The following GNE variants were observed in gnomAD, a reference collection of about 807,000 sequenced individuals.
GNE encodes glucosamine (UDP-N-acetyl)-2-epimerase/N-acetylmannosamine kinase.
In GNE, 41 loss-of-function variants were observed where a neutral mutation model predicts 61.8. The observed-to-expected ratio is 0.66, with a 90% CI of 0.52 to 0.86. The LOEUF is 0.86. Among genes scored for constraint, GNE ranks in the 40% least tolerant of loss-of-function variants. The probability of loss-of-function intolerance (pLI) is 0.00; values close to 1 mark genes in which losing one functional copy is unlikely to be tolerated. For synonymous variants in GNE, 264 were observed against 326.4 expected, an observed-to-expected ratio of 0.81 and a Z score of 2.06; for missense variants, 608 against 909.1, an observed-to-expected ratio of 0.67 and a Z score of 4.26.
chr9:36,269,286 C>G (rs547395234), intron 1 of GNE, among the ~76,000 whole-genome samples: 2 of 151,942 alleles, frequency 1.3e-5, no homozygotes, highest in African/African-American at 4.8e-5. Context: ...CATGAACACT[C>G]TCTTATGATT....
At chr9:36,275,461 T>G (rs915588532) in intron 1 of GNE, among the ~76,000 whole-genome samples, 3 of 152,310 alleles carry the variant, frequency 2.0e-5, no homozygotes, top group Non-Finnish European at 4.4e-5. Flanking sequence ...AATTGAATTA[T>G]TAAGTGGCAG....
chr9:36,263,900 C>A (rs1356284420), intron 1 of GNE, among the ~76,000 whole-genome samples: 1 of 152,144 alleles, frequency 6.6e-6, no homozygotes, highest in Non-Finnish European at 1.5e-5. Flanking sequence ...AGCTAATGTG[C>A]ATGTTAAAGT....
intron 2 of GNE, among the ~76,000 whole-genome samples, chr9:36,247,139 C>T (rs1424596391): frequency 6.6e-6 from 1 of 151,114 alleles, no homozygotes; most frequent in Admixed American, 6.6e-5. Flanking sequence ...TCACTGCAAC[C>T]TCCACCTCCC....
Position 36,219,848 on chromosome 9 carries a change from C to G in GNE, c.1806G>C (p.Lys602Asn), listed in dbSNP as rs1248336263. 1 of 1,613,996 alleles carries G rather than the reference C, an allele frequency of 6.2e-7. No homozygotes were observed. Among genetic ancestry groups the G allele is most frequent in the Non-Finnish European group, 8.5e-7 (1 of 1,179,868 alleles). The stretch of plus-strand genomic sequence containing the variant: ...GAGAGGGACACCAACCATCATGGAG[C>G]TTTTTTGCCTCCCTCTGCAAGGCCA... ...SGMALQREAK[K>N]LHDEDLLLVE... The change falls in exon 10 of 12, where the codon AAG becomes AAC. Residue 602 changes from lysine to asparagine, a missense_variant. Physicochemically the swap from Lys to Asn is moderately conservative, Grantham distance 94 (BLOSUM62 0). Coordinates refer to ENST00000642385, the MANE Select transcript of GNE (RefSeq NM_005476.7).
chr9:36,271,775 C>T (rs1300607926), intron 1 of GNE, among the ~76,000 whole-genome samples: 4 of 151,954 alleles, frequency 2.6e-5, no homozygotes, highest in East Asian at 1.9e-4. Context: ...ATAAGGAACC[C>T]GAGAAAAATC....
At chr9:36,251,052 A>T (rs977706741) in intron 1 of GNE, among the ~76,000 whole-genome samples, 1 of 152,162 alleles carries the variant, frequency 6.6e-6, no homozygotes, top group South Asian at 2.1e-4. Flanking sequence ...TCTCTGTGCC[A>T]AAGTGCCAGC....
chr9:36,253,665 A>C (rs1161156113), intron 1 of GNE, among the ~76,000 whole-genome samples: 1 of 152,182 alleles, frequency 6.6e-6, no homozygotes, highest in Non-Finnish European at 1.5e-5. Context: ...CAAATCTAAA[A>C]GTGCAAAATT....
At position 36,218,528 on chromosome 9, in the gene GNE, G is replaced by A. The variant is rs1019752769; in HGVS notation, c.1817-229C>T. Among the ~76,000 whole-genome samples, 1 of 152,200 alleles carries A rather than the reference G, an allele frequency of 6.6e-6. No homozygotes were observed. Among genetic ancestry groups the A allele is most frequent in the African/African-American group, 2.4e-5 (1 of 41,448 alleles). ...ACCTATCTTCCTGGAAAAACCTCAA[G>A]TCTGACGACAGCCTCCTACCCCTCT... On this transcript the variant is annotated intron_variant, in intron 10 of 11. Transcript: ENST00000642385. This position sits in a 1 kb window ranked among gnomAD's most constrained non-coding sequence, Gnocchi z 4.1.
rs1587265379 is a variant in GNE at position 36,215,798 on chromosome 9, T to A, written c.*1567A>T. On this transcript the variant is annotated 3_prime_UTR_variant, in exon 12 of 12. Coordinates refer to ENST00000642385, the MANE Select transcript of GNE (RefSeq NM_005476.7). ...GACACCAATGAAAACACGAATCATG[T>A]AGACAGAATCCTGATTCATGGCTCT... 6.6e-6 allele frequency: 1 copy of A among 152,506 alleles called. No individual in the cohort carries two copies. Among genetic ancestry groups the A allele is most frequent in the African/African-American group, 2.4e-5 (1 of 41,458 alleles). The allele number at this position is 152,506 out of a possible 1,614,324, so 9.4% of individuals were successfully genotyped here. A position where few individuals can be genotyped will look rare whatever the true frequency, so the allele number is the denominator to read the frequency against.
chr9:36,270,114 A>T (rs1280492597), intron 1 of GNE, among the ~76,000 whole-genome samples: 1 of 151,992 alleles, frequency 6.6e-6, no homozygotes, highest in Admixed American at 6.6e-5. Context: ...AGCACATGCC[A>T]CCATGCCTAG....
chr9:36,260,173 T>G (rs1175424575), upstream of GNE, among the ~76,000 whole-genome samples: 1 of 151,522 alleles, frequency 6.6e-6, no homozygotes, highest in Non-Finnish European at 1.5e-5. Context: ...CCCAGCACTT[T>G]GGAAGGCAGA....
rs145259913 is a variant in GNE at position 36,238,071 on chromosome 9, TACAC to T, written c.617-1091_617-1088del. Among the ~76,000 whole-genome samples the T allele has an allele frequency of 8.6e-5, 13 of 151,544 alleles. No individual in the cohort carries two copies. In the South Asian group the frequency reaches 2.3e-3, roughly 27 times the overall value. ...ATATATAGATGTAGATATATATAGA[TACAC>T]ACACACACATAGATATATAGATGTA... On this transcript the variant is annotated intron_variant, in intron 3 of 11. Coordinates refer to ENST00000642385, the MANE Select transcript of GNE (RefSeq NM_005476.7).
chr9:36,243,960 T>G (rs1829757215), intron 3 of GNE, among the ~76,000 whole-genome samples: 1 of 8,374 alleles, frequency 1.2e-4, no homozygotes, highest in African/African-American at 1.0e-3. Flanking sequence ...TGTTTTTTGT[T>G]TTTTTTTGTT....
At chr9:36,251,238 C>T (rs970584809) in intron 1 of GNE, among the ~76,000 whole-genome samples, 1 of 152,122 alleles carries the variant, frequency 6.6e-6, no homozygotes, top group Admixed American at 6.6e-5. Context: ...TCAGGTCCTC[C>T]TCCCCCACGT....
At position 36,215,209 on chromosome 9, in the gene GNE, C is replaced by A. The variant is rs2741725; in HGVS notation, c.*2156G>T. 6.6e-6 allele frequency: 1 copy of A among 151,968 alleles called. No individual in the cohort carries two copies. The highest frequency in any genetic ancestry group is 1.5e-5 in the Non-Finnish European group (1 of 68,032). The allele number at this position is 151,968 out of a possible 1,614,324, so 9.4% of individuals were successfully genotyped here. A position where few individuals can be genotyped will look rare whatever the true frequency, so the allele number is the denominator to read the frequency against. On this transcript the variant is annotated 3_prime_UTR_variant, in exon 12 of 12. Coordinates refer to ENST00000642385, the MANE Select transcript of GNE (RefSeq NM_005476.7). ...GGGCGTGGTGCATGTGCCTGTAATC[C>A]CAGCTACTCAAGAGGCTGAGGCAGG...
chr9:36,230,362 C>G (rs1370333932), intron 5 of GNE, among the ~76,000 whole-genome samples: 1 of 152,134 alleles, frequency 6.6e-6, no homozygotes, highest in Non-Finnish European at 1.5e-5. Context: ...ACTGGTGTTC[C>G]TCTTCAGTCT....
At position 36,216,327 on chromosome 9, in the gene GNE, A is replaced by ATGTGTGTGTGTGTGTGCGCGTGTG; in HGVS notation, c.*1037_*1038insCACACGCGCACACACACACACACA. ...TTAGTTTGGGGTTAGAGGAGGAAGG[A>ATGTGTGTGTGTGTGTGCGCGTGTG]TGTGTGTGTGTGTGTGTGTGTGTGT... On this transcript the variant is annotated 3_prime_UTR_variant, in exon 12 of 12. Transcript: ENST00000642385. The ATGTGTGTGTGTGTGTGCGCGTGTG allele has an allele frequency of 2.8e-6, 1 of 355,724 alleles. No homozygotes were observed. The highest frequency in any genetic ancestry group is 1.9e-5 in the South Asian group (1 of 52,484). 22.0% of individuals were successfully genotyped at this position (355,724 alleles called of 1,614,324 possible).
chr9:36,223,331 A>G (rs1436554933), intron 8 of GNE, 42 bp downstream of exon 8: 5 of 1,576,030 alleles, frequency 3.2e-6, no homozygotes, highest in Non-Finnish European at 4.4e-6. Flanking sequence ...AATTTTGTAC[A>G]TTAAAATGAG....
At chr9:36,217,850 G>A (rs1828402505) in intron 11 of GNE, among the ~76,000 whole-genome samples, 1 of 152,144 alleles carries the variant, frequency 6.6e-6, no homozygotes, top group Non-Finnish European at 1.5e-5. Context: ...AGAAAGACTC[G>A]AAGGAAATGT....
Sources: gnomAD v4.1 joint callset for allele counts (sites outside exome capture counted in the v4.1 genomes callset) on GRCh38, gnomAD v4.1.1 for gene constraint, Gnocchi (gnomAD v3.1) non-coding constraint, MANE v1.5 for transcripts, NCBI Gene and HGNC (gene_info 2026-07-23, HGNC 2026-07-21) for gene names.